TTC6: variants seen among roughly 807,000 people sequenced by gnomAD.
TTC6 encodes tetratricopeptide repeat domain 6, also known as tetratricopeptide repeat protein 6.
A neutral mutation model predicts 210.4 loss-of-function variants in TTC6; 172 were observed. The observed-to-expected ratio is 0.82, with a 90% CI of 0.72 to 0.93. The LOEUF (loss-of-function observed/expected upper bound fraction) is 0.93, where lower values mean the gene tolerates loss of function less well. Ranked by LOEUF, TTC6 falls within the 40% of genes least tolerant of loss-of-function variation. The pLI is 0.00. For missense variants in TTC6, 2,414 were observed against 2,318.1 expected (o/e 1.04, Z -0.85); for synonymous variants, 804 against 819.6 (o/e 0.98, Z 0.32).
chr14:37,669,526 C>T (rs1344706272), intron 1 of TTC6, among the ~76,000 whole-genome samples: 6 of 152,104 alleles, frequency 3.9e-5, no homozygotes, highest in Non-Finnish European at 8.8e-5. Flanking sequence ...CTTCCTTGCC[C>T]GAACTCCTTG....
At chr14:37,727,572 T>C (rs2224667) in intron 7 of TTC6, among the ~76,000 whole-genome samples, 60,169 of 151,824 alleles carry the variant, frequency 0.4, 12,370 homozygotes, top group Middle Eastern at 0.48. Flanking sequence ...GGATTACAGG[T>C]GTGAGCCACC....
chr14:37,683,059 G>T, intron 3 of TTC6, 95 bp downstream of exon 5: 1 of 1,076,364 alleles, frequency 9.3e-7, no homozygotes, highest in African/African-American at 1.6e-5. Context: ...CAACGTATGG[G>T]GCTGGGGGCG....
chr14:37,722,695 T>A (rs2095864202), intron 6 of TTC6, among the ~76,000 whole-genome samples: 7 of 152,178 alleles, frequency 4.6e-5, no homozygotes. Flanking sequence ...GACCACTGAG[T>A]TAAAAAGTGC....
rs112442966 is a variant in TTC6 at position 37,657,127 on chromosome 14, G to A, written c.940-23024G>A. Among the ~76,000 whole-genome samples, 1,115 of 146,522 alleles carry A rather than the reference G, an allele frequency of 7.6e-3. 21 individuals carry two copies. The highest frequency in any genetic ancestry group is 0.027 in the African/African-American group (1,072 of 40,024). ...CTCGGCAGGCTGAGGCAGGAGAACC[G>A]CTTGAATCCGGGAGGCGGAGGTTGC... On this transcript the variant is annotated intron_variant, in intron 1 of 30. Coordinates refer to ENST00000553443, the Ensembl canonical transcript of TTC6.
At chr14:37,669,808 G>T (rs565254624) in intron 1 of TTC6, among the ~76,000 whole-genome samples, 2 of 152,148 alleles carry the variant, frequency 1.3e-5, no homozygotes, top group Admixed American at 1.3e-4. Context: ...AATATTTGTT[G>T]AATGATGTAA....
chr14:37,622,427 C>T lies in TTC6; in HGVS notation c.363C>T (p.Tyr121=), dbSNP rs115095682. The stretch of plus-strand genomic sequence containing the variant: ...GGTCGTTTCGCCCCCGGGACTTTTA[C>T]TTGCGGAGCTCCGCGTTCCTACGGC... Residue 121 remains tyrosine (Y), a synonymous_variant, in exon 1 of 31, where the codon TAC becomes TAT. Coordinates refer to ENST00000553443, the Ensembl canonical transcript of TTC6. 3.4e-3 allele frequency: 5,144 copies of T among 1,534,946 alleles called. 164 individuals are homozygous for T. In the African/African-American group the frequency reaches 0.064, roughly 19 times the overall value.
intron 7 of TTC6, among the ~76,000 whole-genome samples, chr14:37,727,795 T>C (rs1171359154): frequency 6.6e-6 from 1 of 152,198 alleles, no homozygotes; most frequent in African/African-American, 2.4e-5. Flanking sequence ...TTAAACATTT[T>C]TTAAAAACTC....
At chr14:37,651,389 A>ATT (rs2095710906) in intron 1 of TTC6, among the ~76,000 whole-genome samples, 1 of 15,848 alleles carries the variant, frequency 6.3e-5, no homozygotes, top group Non-Finnish European at 1.0e-4. Context: ...TGTTTATGTT[A>ATT]TATATATATA....
intron 1 of TTC6, among the ~76,000 whole-genome samples, chr14:37,666,064 A>G (rs2095747364): frequency 6.6e-6 from 1 of 150,646 alleles, no homozygotes; most frequent in Admixed American, 6.6e-5. Context: ...TAGATCATCC[A>G]TCTATATTAT....
At chr14:37,799,455 G>C (rs563535231) in intron 20 of TTC6, among the ~76,000 whole-genome samples, 3 of 152,096 alleles carry the variant, frequency 2.0e-5, no homozygotes, top group East Asian at 3.9e-4. Context: ...TCTTGTGATG[G>C]ACACATGATA....
At chr14:37,746,725 T>G (rs1453977748) in intron 10 of TTC6, among the ~76,000 whole-genome samples, 1 of 151,908 alleles carries the variant, frequency 6.6e-6, no homozygotes, top group Non-Finnish European at 1.5e-5. Context: ...CACAGCTGAG[T>G]GATTTCAGGG....
At chr14:37,782,766 G>C (rs1440175027) in intron 14 of TTC6, among the ~76,000 whole-genome samples, 2 of 152,142 alleles carry the variant, frequency 1.3e-5, no homozygotes, top group Non-Finnish European at 2.9e-5. Context: ...CTGTGGGTTT[G>C]TCATAAATGG....
At chr14:37,710,828 C>T (rs547793964) in intron 5 of TTC6, among the ~76,000 whole-genome samples, 1 of 152,068 alleles carries the variant, frequency 6.6e-6, no homozygotes, top group Non-Finnish European at 1.5e-5. Flanking sequence ...CAGGATCTAT[C>T]GCAAACCTAC....
In TTC6 at chr14:37,812,230, A is replaced by G. The variant is rs1196972319; in HGVS notation, c.4570-84A>G. 7 of 1,390,382 alleles carry G rather than the reference A, an allele frequency of 5.0e-6. No individual in the cohort carries two copies. The African/African-American group carries it at 5.8e-5, about 12-fold the overall frequency. The allele number at this position is 1,390,382 out of a possible 1,614,324, so 86.1% of individuals were successfully genotyped here. A position where few individuals can be genotyped will look rare whatever the true frequency, so the allele number is the denominator to read the frequency against. On this transcript the variant is annotated intron_variant, in intron 24 of 30. Transcript: ENST00000553443. ...ATTGAAGAACTAACCATTGGGTCCT[A>G]GTTTGGACATAAATACGTTTGTCCA... is the stretch of plus-strand genomic sequence containing the variant.
At chr14:37,614,529 A>G (rs2095639503) in intron 2 of TTC6, among the ~76,000 whole-genome samples, 1 of 152,122 alleles carries the variant, frequency 6.6e-6, no homozygotes, top group Non-Finnish European at 1.5e-5. Flanking sequence ...GACATTTCTC[A>G]TCTTCATTCA....
intron 14 of TTC6, among the ~76,000 whole-genome samples, chr14:37,753,445 G>A (rs1018314194): frequency 6.6e-6 from 1 of 152,142 alleles, no homozygotes; most frequent in Non-Finnish European, 1.5e-5. Flanking sequence ...TGTTTCATTT[G>A]CATTTCCTAA....
intron 14 of TTC6, among the ~76,000 whole-genome samples, chr14:37,777,413 T>C (rs370973691): frequency 3.9e-5 from 6 of 152,330 alleles, no homozygotes; most frequent in Middle Eastern, 3.4e-3. Flanking sequence ...GCAATTGTAT[T>C]CTGAAATTCT....
At chr14:37,656,049 T>C (rs781166447) in intron 1 of TTC6, among the ~76,000 whole-genome samples, 14 of 152,222 alleles carry the variant, frequency 9.2e-5, no homozygotes, top group Non-Finnish European at 1.9e-4. Flanking sequence ...TTGTTAGTTA[T>C]CTAGCCTTTG....
chr14:37,787,851 A>G (rs969241265), intron 15 of TTC6, among the ~76,000 whole-genome samples: 1 of 151,472 alleles, frequency 6.6e-6, no homozygotes, highest in African/African-American at 2.4e-5. Flanking sequence ...TGGTTTAGCT[A>G]TAAGTGTTTC....
Sources: allele counts gnomAD v4.1 joint callset (sites outside exome capture counted in the v4.1 genomes callset), GRCh38; gene constraint gnomAD v4.1.1; transcripts MANE v1.5; gene names NCBI Gene and HGNC (gene_info 2026-07-23, HGNC 2026-07-21).